The following FMNL2 variants were observed in gnomAD, a reference collection of about 807,000 sequenced individuals.
FMNL2 encodes the protein formin-like protein 2.
In FMNL2, 51 loss-of-function variants were observed where a neutral mutation model predicts 130.2. That is an observed-to-expected ratio of 0.39 (90% CI 0.31 to 0.49). FMNL2 has a LOEUF of 0.49. Ranked by LOEUF, FMNL2 falls within the 20% of genes least tolerant of loss-of-function variation. FMNL2 has a pLI of 0.85. For synonymous variants in FMNL2, 465 were observed against 467.1 expected (o/e 1.00, Z 0.06); for missense variants, 977 against 1,316.2 (o/e 0.74, Z 3.99).
intron 1 of FMNL2, among the ~76,000 whole-genome samples, chr2:152,468,789 A>T (rs1157732073): frequency 6.6e-6 from 1 of 152,212 alleles, no homozygotes; most frequent in East Asian, 1.9e-4. Flanking sequence ...ACTCCCCTGT[A>T]CAACAATACC....
intron 10 of FMNL2, among the ~76,000 whole-genome samples, chr2:152,610,753 G>GAACACA (rs1375535214): frequency 6.6e-6 from 1 of 152,192 alleles, no homozygotes; most frequent in Non-Finnish European, 1.5e-5. Context: ...GAACATCTGT[G>GAACACA]TAAAGATTTT....
intron 25 of FMNL2, chr2:152,645,659 G>A (rs115921939): frequency 4.7e-6 from 2 of 428,982 alleles, no homozygotes; most frequent in African/African-American, 2.1e-5. Context: ...AATGATGCAG[G>A]GATTGAGCCT....
chr2:152,617,456 G>A (rs764760116), intron 13 of FMNL2, among the ~76,000 whole-genome samples: 2 of 152,250 alleles, frequency 1.3e-5, no homozygotes, highest in Non-Finnish European at 2.9e-5. Flanking sequence ...TCTGGAGGAG[G>A]CTGAGTTAAT....
At chr2:152,571,493 T>G (rs1398830278) in intron 6 of FMNL2, among the ~76,000 whole-genome samples, 1 of 152,192 alleles carries the variant, frequency 6.6e-6, no homozygotes, top group Non-Finnish European at 1.5e-5. Context: ...TATGTGAAGT[T>G]TCATAATAGC....
chr2:152,635,452 C>T (rs537287848), intron 21 of FMNL2, among the ~76,000 whole-genome samples: 10 of 152,250 alleles, frequency 6.6e-5, no homozygotes, highest in Admixed American at 2.0e-4. Context: ...TTTTGTCTAA[C>T]GTCATTTCCG....
At position 152,597,948 on chromosome 2, in the gene FMNL2, C is replaced by T. The variant is rs148995263; in HGVS notation, c.877-9391C>T. Among the ~76,000 whole-genome samples the T allele has an allele frequency of 2.7e-3, 412 of 152,320 alleles. 2 individuals carry two copies. Among genetic ancestry groups the T allele is most frequent in the African/African-American group, 9.5e-3 (395 of 41,566 alleles). On this transcript the variant is annotated intron_variant, in intron 9 of 25. Transcript: ENST00000288670. ...TAGAAGGGTTGGGAAATGAGAGAAGCGAGCTGTAGACAAACTGCAGGCATT... is the reference window on the plus strand; with the variant it reads ...TAGAAGGGTTGGGAAATGAGAGAAGTGAGCTGTAGACAAACTGCAGGCATT...
chr2:152,581,968 A>G (rs1371470387), intron 9 of FMNL2, among the ~76,000 whole-genome samples: 1 of 152,050 alleles, frequency 6.6e-6, no homozygotes, highest in Non-Finnish European at 1.5e-5. Context: ...TGAACTAGAA[A>G]CTCTGATAGT....
intron 1 of FMNL2, among the ~76,000 whole-genome samples, chr2:152,515,092 C>G (rs1692691151): frequency 6.6e-6 from 1 of 152,158 alleles, no homozygotes; most frequent in South Asian, 2.1e-4. Flanking sequence ...TGGCCCATCT[C>G]CAAAGCCCAC....
At chr2:152,382,358 C>G (rs1452652067) in intron 1 of FMNL2, among the ~76,000 whole-genome samples, 1 of 152,046 alleles carries the variant, frequency 6.6e-6, no homozygotes, top group East Asian at 1.9e-4. Context: ...GTCTTTGTTT[C>G]CTCTGGGTGT....
intron 1 of FMNL2, among the ~76,000 whole-genome samples, chr2:152,424,687 C>T (rs1687105853): frequency 6.6e-6 from 1 of 151,732 alleles, no homozygotes; most frequent in South Asian, 2.1e-4. Flanking sequence ...CCACTCCTAG[C>T]CCGGGCCTAC....
chr2:152,560,798 T>C, intron 5 of FMNL2, 85 bp from the exon 6 acceptor site: 2 of 1,308,690 alleles, frequency 1.5e-6, no homozygotes, highest in Admixed American at 2.6e-5. Context: ...GCAGATGTCT[T>C]GTAGGAACAG....
Position 152,617,109 on chromosome 2 carries a change from G to A in FMNL2, c.1231G>A (p.Asp411Asn), listed in dbSNP as rs1698994607. The stretch of plus-strand genomic sequence containing the variant: ...TTTACAGTTATCTGAAAAACTGCAA[G>A]ACACAGAGAATGAAGCCATGTCCAA... ...NISHLSEKLQ[D>N]TENEAMSKIV... The change falls in exon 13 of 26, where the codon GAC becomes AAC. Residue 411 changes from aspartate to asparagine, a missense_variant. This residue lies in a region of FMNL2 where 689 missense variants were observed against 995.9 expected (regional missense o/e 0.69). Coordinates refer to ENST00000288670, the MANE Select transcript of FMNL2 (RefSeq NM_052905.4). The A allele has an allele frequency of 1.2e-6, 2 of 1,613,750 alleles. No individual in the cohort carries two copies. Among genetic ancestry groups the A allele is most frequent in the Non-Finnish European group, 1.7e-6 (2 of 1,179,872 alleles).
chr2:152,640,903 A>G lies in FMNL2; in HGVS notation c.3158A>G (p.Asp1053Gly). 1 of 1,613,728 alleles carries G rather than the reference A, an allele frequency of 6.2e-7. No individual in the cohort carries two copies. The highest frequency in any genetic ancestry group is 1.1e-5 in the South Asian group (1 of 91,076). ...GAGGGAAAAGATGGTGCCATTGAAG[A>G]TATTATCACAGGTAAAAGATATTTC... Reference protein sequence around the residue: ...VYEGKDGAIEDIITDLRNQPY... With the variant: ...VYEGKDGAIEGIITDLRNQPY... Residue 1053 changes from aspartate (D) to glycine (G), a missense_variant, in exon 25 of 26, where the codon GAT becomes GGT. Coordinates refer to ENST00000288670, the MANE Select transcript of FMNL2 (RefSeq NM_052905.4).
chr2:152,526,006 A>G (rs1693366622), intron 2 of FMNL2, among the ~76,000 whole-genome samples: 1 of 152,250 alleles, frequency 6.6e-6, no homozygotes, highest in African/African-American at 2.4e-5. Context: ...ACGTGCATCA[A>G]TATTTAAGCC....
chr2:152,346,026 T>A (rs1000012199), intron 1 of FMNL2, among the ~76,000 whole-genome samples: 7 of 152,176 alleles, frequency 4.6e-5, no homozygotes, highest in African/African-American at 1.7e-4. Context: ...TAGTTTTTTT[T>A]TTCTTTTTCT....
intron 9 of FMNL2, among the ~76,000 whole-genome samples, chr2:152,586,676 T>G (rs529000490): frequency 2.6e-5 from 4 of 152,334 alleles, no homozygotes; most frequent in Non-Finnish European, 5.9e-5. Context: ...TGTATGTATT[T>G]CATGGTATCA....
chr2:152,430,889 A>G lies in FMNL2; in HGVS notation c.118-91054A>G, dbSNP rs551704565. ...CTTGGTCTCGAAAATATATATATAT[A>G]TATGTTTATTTCAGCAAATTCTGGA... On this transcript the variant is annotated intron_variant, in intron 1 of 25. Transcript: ENST00000288670. Among the ~76,000 whole-genome samples, 3 of 152,006 alleles carry G rather than the reference A, an allele frequency of 2.0e-5. No individual in the cohort carries two copies. In the South Asian group the frequency reaches 6.2e-4, roughly 32 times the overall value.
chr2:152,594,479 GAAGGTGGCTGCGTC>G lies in FMNL2; in HGVS notation c.877-12857_877-12844del, dbSNP rs562021842. On this transcript the variant is annotated intron_variant, in intron 9 of 25. Coordinates refer to ENST00000288670, the MANE Select transcript of FMNL2 (RefSeq NM_052905.4). Reference sequence around the variant, plus strand: ...CTAAGTTCCCTTTTATGACTACTTGGAAGGTGGCTGCGTCAATCCCTTGGCTCAAGTTTCATTTC... The same window carrying G: ...CTAAGTTCCCTTTTATGACTACTTGGAATCCCTTGGCTCAAGTTTCATTTC... Among the ~76,000 whole-genome samples, 32 of 152,292 alleles carry G rather than the reference GAAGGTGGCTGCGTC, an allele frequency of 2.1e-4. No individual in the cohort carries two copies. The South Asian group carries it at 6.6e-3, about 32-fold the overall frequency.
rs541299988 is a variant in FMNL2 at position 152,593,496 on chromosome 2, C to G, written c.876+12447C>G. 3.0e-4 allele frequency among the ~76,000 whole-genome samples: 45 copies of G among 152,202 alleles called. No homozygotes were observed. The South Asian group carries it at 9.3e-3, about 32-fold the overall frequency. On this transcript the variant is annotated intron_variant, in intron 9 of 25. Coordinates refer to ENST00000288670, the MANE Select transcript of FMNL2 (RefSeq NM_052905.4). ...GCTGGAGTCTGGAAGACAGGTGGTT[C>G]AGTTGTCAAATGACTCAGCCTTGGA...
Sources: allele counts gnomAD v4.1 joint callset (sites outside exome capture counted in the v4.1 genomes callset), GRCh38; gene constraint gnomAD v4.1.1; regional missense constraint gnomAD v4.1.1; transcripts MANE v1.5; gene names NCBI Gene and HGNC (gene_info 2026-07-23, HGNC 2026-07-21).